The following DENND1B variants were observed in gnomAD, a reference collection of about 807,000 sequenced individuals.
DENND1B encodes the protein DENN domain-containing protein 1B.
In DENND1B, 59 loss-of-function variants were observed where a neutral mutation model predicts 90.1. The ratio of observed to expected loss-of-function variants is 0.65; its 90% CI spans 0.53 to 0.81. The LOEUF is 0.81. Ranked by LOEUF, DENND1B falls within the 40% of genes least tolerant of loss-of-function variation. The pLI, the probability that DENND1B is intolerant of heterozygous loss-of-function variation, is 0.00. For missense variants in DENND1B, 862 were observed against 912.6 expected, an observed-to-expected ratio of 0.94 and a Z score of 0.71; for synonymous variants, 337 against 324.6, an observed-to-expected ratio of 1.04 and a Z score of -0.41.
intron 20 of DENND1B, among the ~76,000 whole-genome samples, chr1:197,539,301 ATT>A (rs1184593046): frequency 2.0e-5 from 3 of 152,122 alleles, no homozygotes; most frequent in Non-Finnish European, 4.4e-5. Flanking sequence ...CAGTTCTGTA[ATT>A]TTGTAGCTAC....
intron 2 of DENND1B, among the ~76,000 whole-genome samples, chr1:197,724,097 A>G (rs1166605657): frequency 6.6e-6 from 1 of 152,124 alleles, no homozygotes; most frequent in Non-Finnish European, 1.5e-5. Context: ...TCTGAAGTAC[A>G]GTAAACTTCT....
rs979249133 is a variant in DENND1B at position 197,552,314 on chromosome 1, A to G, written c.1240+708T>C. 1.6e-5 allele frequency: 16 copies of G among 982,148 alleles called. No homozygotes were observed. In the African/African-American group the frequency reaches 2.8e-4, roughly 17 times the overall value. 60.8% of individuals were successfully genotyped at this position (982,148 alleles called of 1,614,324 possible). A position where few individuals can be genotyped will look rare whatever the true frequency, so the allele number is the denominator to read the frequency against. On this transcript the variant is annotated intron_variant, in intron 16 of 22. Transcript: ENST00000620048. Reference sequence around the variant, plus strand: ...TAATATTTAGAACAGTGCCTAATACATTGTAAGCACTCAGCAAATAATGAA... The same window carrying G: ...TAATATTTAGAACAGTGCCTAATACGTTGTAAGCACTCAGCAAATAATGAA...
At chr1:197,544,461 T>C (rs1409521963) in intron 18 of DENND1B, among the ~76,000 whole-genome samples, 1 of 152,088 alleles carries the variant, frequency 6.6e-6, no homozygotes, top group Non-Finnish European at 1.5e-5. Context: ...AAGGGTTGGG[T>C]TTTGAAGGGT....
At chr1:197,762,652 G>T (rs1239537276) in intron 2 of DENND1B, among the ~76,000 whole-genome samples, 2 of 151,964 alleles carry the variant, frequency 1.3e-5, no homozygotes, top group Non-Finnish European at 2.9e-5. Context: ...TTCTAGACTT[G>T]TTCATTCTAT....
At chr1:197,673,154 T>C (rs1391606583) in intron 4 of DENND1B, among the ~76,000 whole-genome samples, 1 of 151,634 alleles carries the variant, frequency 6.6e-6, no homozygotes, top group Non-Finnish European at 1.5e-5. Flanking sequence ...TTAATAAACT[T>C]AAAATAAAAA....
chr1:197,654,032 A>G (rs1297628777), intron 6 of DENND1B, among the ~76,000 whole-genome samples: 1 of 152,228 alleles, frequency 6.6e-6, no homozygotes, highest in Non-Finnish European at 1.5e-5. Context: ...AAATGATGTT[A>G]AGATATACTT....
chr1:197,525,115 C>G (rs1669050421), intron 20 of DENND1B, among the ~76,000 whole-genome samples: 2 of 152,250 alleles, frequency 1.3e-5, no homozygotes, highest in Admixed American at 1.3e-4. Flanking sequence ...CTTGTATTCA[C>G]AGGAGGTCTC....
intron 2 of DENND1B, among the ~76,000 whole-genome samples, chr1:197,770,681 CATATCTATAAATAT>C (rs1230837532): frequency 2.5e-4 from 34 of 137,506 alleles, no homozygotes; most frequent in East Asian, 1.0e-3. Context: ...TATAAATATA[CATATCTATAAATAT>C]ATATCTATAA....
In DENND1B at chr1:197,641,949, GAAT is replaced by G. The variant is rs374689308; in HGVS notation, c.672+759_672+761del. 1.9e-4 allele frequency among the ~76,000 whole-genome samples: 29 copies of G among 151,732 alleles called. No individual in the cohort carries two copies. In the East Asian group the frequency reaches 4.7e-3, roughly 24 times the overall value. On this transcript the variant is annotated intron_variant, in intron 10 of 22. Coordinates refer to ENST00000620048, the MANE Select transcript of DENND1B (RefSeq NM_001195215.2). Reference sequence around the variant, plus strand: ...TGAGGAAGAAAATTCATAAAATATTGAATAATAGTTTTTGCTAAATAAATACAT... The same window carrying G: ...TGAGGAAGAAAATTCATAAAATATTGAATAGTTTTTGCTAAATAAATACAT...
intron 17 of DENND1B, among the ~76,000 whole-genome samples, chr1:197,546,302 G>A (rs1400753752): frequency 6.6e-6 from 1 of 152,114 alleles, no homozygotes; most frequent in Non-Finnish European, 1.5e-5. Flanking sequence ...AGCTTAATAA[G>A]AAAGAAATAC....
intron 10 of DENND1B, among the ~76,000 whole-genome samples, chr1:197,623,057 C>T (rs1296540548): frequency 6.6e-6 from 1 of 151,294 alleles, no homozygotes; most frequent in Middle Eastern, 3.2e-3. Flanking sequence ...ATTCTAGCCT[C>T]TGTATCACCT....
At chr1:197,606,116 T>A (rs1220942670) in intron 13 of DENND1B, 1 of 151,204 alleles carries the variant, frequency 6.6e-6, no homozygotes, top group Non-Finnish European at 1.5e-5. Context: ...TAAAGATATT[T>A]TTAAGTAGCC....
chr1:197,715,912 G>A (rs1415333724), intron 2 of DENND1B, among the ~76,000 whole-genome samples: 4 of 151,492 alleles, frequency 2.6e-5, no homozygotes, highest in African/African-American at 7.3e-5. Flanking sequence ...TAAAGGGATA[G>A]TGTATAATGG....
chr1:197,696,012 A>G (rs1658396809), intron 3 of DENND1B, among the ~76,000 whole-genome samples: 2 of 151,322 alleles, frequency 1.3e-5, no homozygotes, highest in African/African-American at 4.8e-5. Flanking sequence ...TTCCTAAACT[A>G]TGCAGACCTT....
intron 2 of DENND1B, among the ~76,000 whole-genome samples, chr1:197,753,982 G>A (rs1284090407): frequency 6.6e-6 from 1 of 151,640 alleles, no homozygotes; most frequent in South Asian, 2.1e-4. Flanking sequence ...CCTGGCAACA[G>A]AGCAAGATTC....
chr1:197,567,676 A>C (rs946818239), intron 15 of DENND1B, among the ~76,000 whole-genome samples: 23 of 152,174 alleles, frequency 1.5e-4, no homozygotes, highest in African/African-American at 5.1e-4. Context: ...AAATCAATAA[A>C]TGTGATATAC....
chr1:197,544,453 G>T (rs143617951), intron 18 of DENND1B, among the ~76,000 whole-genome samples: 1 of 152,002 alleles, frequency 6.6e-6, no homozygotes, highest in Non-Finnish European at 1.5e-5. Context: ...TAGACATGAA[G>T]GGTTGGGTTT....
At chr1:197,568,905 A>AT (rs367899001) in intron 15 of DENND1B, among the ~76,000 whole-genome samples, 2 of 152,246 alleles carry the variant, frequency 1.3e-5, no homozygotes, top group Non-Finnish European at 2.9e-5. Flanking sequence ...CTGAGCAAAG[A>AT]TTTTTTGGAT....
intron 15 of DENND1B, among the ~76,000 whole-genome samples, chr1:197,558,742 G>T (rs1318170636): frequency 6.6e-6 from 1 of 151,786 alleles, no homozygotes; most frequent in Non-Finnish European, 1.5e-5. Flanking sequence ...TCTTCTTTTT[G>T]ATATTGATGT....
Sources: allele counts gnomAD v4.1 joint callset (sites outside exome capture counted in the v4.1 genomes callset), GRCh38; gene constraint gnomAD v4.1.1; transcripts MANE v1.5; gene names NCBI Gene and HGNC (gene_info 2026-07-23, HGNC 2026-07-21).